Variants in MASP1 observed in about 807,000 individuals in gnomAD.
The protein encoded by MASP1 is mannan-binding lectin serine protease 1.
In MASP1, 59 loss-of-function variants were observed where a neutral mutation model predicts 77.1. That is an observed-to-expected ratio of 0.77 (90% CI 0.62 to 0.95). The LOEUF (loss-of-function observed/expected upper bound fraction) is 0.95. Among genes scored for constraint, MASP1 ranks in the 40% least tolerant of loss-of-function variants. The pLI, the probability that MASP1 is intolerant of heterozygous loss-of-function variation, is 0.00. For synonymous variants in MASP1, 362 were observed against 354.5 expected, an observed-to-expected ratio of 1.02 and a Z score of -0.24; for missense variants, 885 against 912.9, an observed-to-expected ratio of 0.97 and a Z score of 0.39.
chr3:187,240,099 C>A lies in MASP1; in HGVS notation c.1303+1382G>T, dbSNP rs116455234. On this transcript the variant is annotated intron_variant, in intron 10 of 10. Transcript: ENST00000296280. The stretch of plus-strand genomic sequence containing the variant: ...TGTAAGATGTGCCTTTCACCTTCCG[C>A]CATGATTGTGAGGCCCCTCCAGCCA... Among the ~76,000 whole-genome samples the A allele has an allele frequency of 6.5e-3, 958 of 148,044 alleles. 10 individuals are homozygous for A. Among genetic ancestry groups the A allele is most frequent in the African/African-American group, 0.022 (883 of 39,834 alleles).
downstream of MASP1, chr3:187,234,011 A>C (rs974660387): frequency 2.7e-6 from 3 of 1,104,382 alleles, no homozygotes; most frequent in East Asian, 1.8e-4. Flanking sequence ...TGAGGAGACC[A>C]ATTTCTTTTC....
chr3:187,223,745 T>C (rs1167303981), intron 13 of MASP1, among the ~76,000 whole-genome samples: 1 of 152,158 alleles, frequency 6.6e-6, no homozygotes, highest in Non-Finnish European at 1.5e-5. Context: ...TGTGGGGCAA[T>C]GTGGAAGTGG....
exon 16 of MASP1, chr3:187,219,341 G>C (rs1438693054): frequency 6.5e-6 from 1 of 153,106 alleles, no homozygotes; most frequent in Non-Finnish European, 1.5e-5. Context: ...AGAACCAGGT[G>C]TCTGCCTTCC....
In MASP1 at chr3:187,253,244, G is replaced by T. The variant is rs1714775840; in HGVS notation, c.816C>A (p.Ser272Arg). The change falls in exon 6 of 11, where the codon AGC becomes AGA. Residue 272 changes from serine (S) to arginine (R), a missense_variant. Coordinates refer to ENST00000296280, the MANE Select transcript of MASP1 (RefSeq NM_139125.4). ...TATGGAACAGGATCAGGACACTGTG[G>T]CTCTGGGTGCTGATGGGTTCTGGGG... ...EKAPEPISTQ[S>R]HSVLILFHSD... is the part of the protein sequence containing the mutation. 1 of 1,614,028 alleles carries T rather than the reference G, an allele frequency of 6.2e-7. No homozygotes were observed. The highest frequency in any genetic ancestry group is 8.5e-7 in the Non-Finnish European group (1 of 1,180,026).
At chr3:187,291,178 A>G (rs1718297279) in intron 1 of MASP1, 1 of 207,272 alleles carries the variant, frequency 4.8e-6, no homozygotes, top group African/African-American at 2.3e-5. Context: ...CCACAGAGCC[A>G]AGCTATGGGA....
chr3:187,221,083 G>A (rs1712032592), exon 15 of MASP1: 1 of 1,614,032 alleles, frequency 6.2e-7, no homozygotes, highest in Non-Finnish European at 8.5e-7. Flanking sequence ...TTCTTCTTCA[G>A]CGGGGCATAA....
Position 187,253,261 on chromosome 3 carries a change from G to A in MASP1, c.799C>T (p.Pro267Ser). 6.2e-7 allele frequency: 1 copy of A among 1,614,186 alleles called. No homozygotes were observed. Among genetic ancestry groups the A allele is most frequent in the Non-Finnish European group, 8.5e-7 (1 of 1,180,034 alleles). The change falls in exon 6 of 11, where the codon CCC (proline) becomes TCC (serine). Residue 267 changes from proline to serine, a missense_variant. Transcript: ENST00000296280. ...GPFCGEKAPE[P>S]ISTQSHSVLI... The stretch of plus-strand genomic sequence containing the variant: ...ACACTGTGGCTCTGGGTGCTGATGG[G>A]TTCTGGGGCTTTCTCTCCACAGAAA...
In MASP1 at chr3:187,253,288, GC is replaced by G; in HGVS notation, c.771del (p.Pro258LeufsTer19). The G allele has an allele frequency of 6.2e-7, 1 of 1,614,056 alleles. No homozygotes were observed. Among genetic ancestry groups the G allele is most frequent in the East Asian group, 2.2e-5 (1 of 44,870 alleles). ...TCTGGGGCTTTCTCTCCACAGAAAG[GC>G]CCCAAAACTTTTGGACCAACTTTGA... is the stretch of plus-strand genomic sequence containing the variant. ...IKIKVGPKVLGPFCGEKAPEP... is the reference protein window; with the variant it reads ...IKIKVGPKVLXPFCGEKAPEP... On this transcript the variant is annotated frameshift_variant, in exon 6 of 11. Transcript: ENST00000296280. LOFTEE classifies it high-confidence loss of function.
chr3:187,282,394 G>A (rs935443536), intron 2 of MASP1, among the ~76,000 whole-genome samples: 1 of 151,818 alleles, frequency 6.6e-6, no homozygotes, highest in Admixed American at 6.6e-5. Flanking sequence ...CTGCTCAGGA[G>A]GCTGAGGCAG....
At chr3:187,251,914 G>A (rs540345238) in intron 6 of MASP1, among the ~76,000 whole-genome samples, 162 bp from the exon 7 acceptor site, 39 of 152,352 alleles carry the variant, frequency 2.6e-4, no homozygotes, top group African/African-American at 8.9e-4. Flanking sequence ...TTCTGGAACC[G>A]TGAATAGGGC....
At chr3:187,249,923 T>C (rs576354705) in intron 8 of MASP1, among the ~76,000 whole-genome samples, 51 of 152,310 alleles carry the variant, frequency 3.3e-4, no homozygotes, top group Admixed American at 1.3e-3. Flanking sequence ...CAAACTAGTT[T>C]CCTGAATTAG....
chr3:187,241,848 C>T (rs1713670996), intron 9 of MASP1: 1 of 347,680 alleles, frequency 2.9e-6, no homozygotes, highest in Admixed American at 4.0e-5. Context: ...CCCTTTGCAA[C>T]ATGAAGGATC....
intron 13 of MASP1, among the ~76,000 whole-genome samples, chr3:187,224,989 T>G (rs1280696829): frequency 6.6e-6 from 1 of 152,202 alleles, no homozygotes; most frequent in Non-Finnish European, 1.5e-5. Context: ...CTAGGGTTGG[T>G]GGTTTCTTCC....
At position 187,260,885 on chromosome 3, in the gene MASP1, T is replaced by C; in HGVS notation, c.416-13A>G. Reference sequence around the variant, plus strand: ...CACTCGTCCACATCTGTAGGGCAGGTAAAGCCTCTCCATCAATACATGCAT... The same window carrying C: ...CACTCGTCCACATCTGTAGGGCAGGCAAAGCCTCTCCATCAATACATGCAT... On this transcript the variant is annotated splice_polypyrimidine_tract_variant and intron_variant, in intron 3 of 10. Transcript: ENST00000296280. 6.2e-7 allele frequency: 1 copy of C among 1,613,998 alleles called. No homozygotes were observed. The highest frequency in any genetic ancestry group is 8.5e-7 in the Non-Finnish European group (1 of 1,179,908).
At chr3:187,291,462 C>T in intron 1 of MASP1, 166 bp downstream of exon 1, 5 of 898,728 alleles carry the variant, frequency 5.6e-6, no homozygotes, top group Non-Finnish European at 9.0e-6. Context: ...AGGCACCCAG[C>T]CCACCCACAG....
chr3:187,285,664 A>C (rs531769847), intron 2 of MASP1, among the ~76,000 whole-genome samples, 161 bp downstream of exon 2: 1 of 152,176 alleles, frequency 6.6e-6, no homozygotes, highest in East Asian at 1.9e-4. Flanking sequence ...AGTTCTACCC[A>C]TCAGCTTGCA....
At chr3:187,281,260 A>C (rs1434785249) in intron 2 of MASP1, among the ~76,000 whole-genome samples, 2 of 152,266 alleles carry the variant, frequency 1.3e-5, no homozygotes, top group African/African-American at 4.8e-5. Context: ...CATCCGGACC[A>C]CAGACTTGGG....
chr3:187,251,117 C>T (rs1417114052), intron 7 of MASP1, among the ~76,000 whole-genome samples: 1 of 152,178 alleles, frequency 6.6e-6, no homozygotes, highest in Non-Finnish European at 1.5e-5. Context: ...CGCCACCACA[C>T]CTGGCTATTT....
intron 2 of MASP1, among the ~76,000 whole-genome samples, chr3:187,281,569 C>T (rs573664926): frequency 6.6e-6 from 1 of 152,186 alleles, no homozygotes; most frequent in Non-Finnish European, 1.5e-5. Flanking sequence ...TGATGACATA[C>T]CACCAAGGCA....
Sources: gnomAD v4.1 joint callset for allele counts (sites outside exome capture counted in the v4.1 genomes callset) on GRCh38, gnomAD v4.1.1 for gene constraint, MANE v1.5 for transcripts, NCBI Gene and HGNC (gene_info 2026-07-23, HGNC 2026-07-21) for gene names.